ITGB2: variants seen among roughly 807,000 people sequenced by gnomAD.
ITGB2 encodes integrin subunit beta 2, also known as integrin beta-2.
A neutral mutation model predicts 86.8 loss-of-function variants in ITGB2; 56 were observed. The observed-to-expected ratio is 0.65, with a 90% CI of 0.52 to 0.81. The LOEUF is 0.81. Among genes scored for constraint, ITGB2 ranks in the 30% least tolerant of loss-of-function variants. The pLI, the probability that ITGB2 is intolerant of heterozygous loss-of-function variation, is 0.00. For synonymous variants in ITGB2, 457 were observed against 450.4 expected (o/e 1.01, Z -0.19); for missense variants, 948 against 1,061.2 (o/e 0.89, Z 1.48).
chr21:44,893,147 G>C (rs2083815036), intron 10 of ITGB2: 1 of 440,202 alleles, frequency 2.3e-6, no homozygotes, highest in East Asian at 4.6e-5. Context: ...AGCTTCACAA[G>C]GAAAGCGTCT....
chr21:44,896,458 G>C (rs1008952458), intron 8 of ITGB2, among the ~76,000 whole-genome samples: 17 of 152,318 alleles, frequency 1.1e-4, no homozygotes, highest in Admixed American at 9.1e-4. Flanking sequence ...GGAAGATTGC[G>C]GCATCATTTC....
At chr21:44,889,527 G>C (rs928298158) in intron 12 of ITGB2, 32 bp from the exon 13 acceptor site, 1 of 1,538,212 alleles carries the variant, frequency 6.5e-7, no homozygotes, top group African/African-American at 1.4e-5. Context: ...CTAAGCTCCT[G>C]CTTGGCCTGG....
intron 14 of ITGB2, among the ~76,000 whole-genome samples, chr21:44,887,870 T>A (rs1385383676): frequency 6.6e-6 from 1 of 152,196 alleles, no homozygotes; most frequent in Admixed American, 6.5e-5. Context: ...GCCGCCTGCC[T>A]CGGGTCCCTT....
chr21:44,907,853 C>A (rs1057185140), intron 3 of ITGB2: 38 of 566,170 alleles, frequency 6.7e-5, no homozygotes, highest in Non-Finnish European at 2.3e-5. Flanking sequence ...CCCCAGGGTG[C>A]CTCTTTGTAG....
At chr21:44,890,272 C>T (rs374603814) in intron 11 of ITGB2, 50 bp from the exon 12 acceptor site, 1 of 1,609,516 alleles carries the variant, frequency 6.2e-7, no homozygotes, top group Admixed American at 1.7e-5. Context: ...TGATGTGGGA[C>T]AAGGGACAGC....
At chr21:44,893,794 C>A (rs116560675) in intron 9 of ITGB2, 129 of 494,036 alleles carry the variant, frequency 2.6e-4, no homozygotes, top group African/African-American at 2.4e-3. Flanking sequence ...GGGGTGGGAG[C>A]TTCTGCTGCT....
intron 1 of ITGB2, among the ~76,000 whole-genome samples, chr21:44,926,134 T>C (rs1482045256): frequency 6.7e-6 from 1 of 149,678 alleles, no homozygotes; most frequent in Non-Finnish European, 1.5e-5. Context: ...AATAAATAAA[T>C]TAATTAATTA....
At chr21:44,913,819 T>C (rs1384130953) in intron 1 of ITGB2, among the ~76,000 whole-genome samples, 1 of 152,152 alleles carries the variant, frequency 6.6e-6, no homozygotes, top group Non-Finnish European at 1.5e-5. Flanking sequence ...GTTTCCTCCA[T>C]GTGCCTGGAG....
rs1480279592 is a variant in ITGB2 at position 44,901,663 on chromosome 21, T to G, written c.570A>C (p.Pro190=). The G allele has an allele frequency of 6.2e-7, 1 of 1,614,044 alleles. No individual in the cohort carries two copies. Among genetic ancestry groups the G allele is most frequent in the Non-Finnish European group, 8.5e-7 (1 of 1,180,022 alleles). ...VNTHPDKLRN[P]CPNKEKECQP... ...GGCACTCTTTCTCCTTGTTGGGGCATGGGTTTCGCAGCTTATCAGGGTGCG... is the reference window on the plus strand; with the variant it reads ...GGCACTCTTTCTCCTTGTTGGGGCAGGGGTTTCGCAGCTTATCAGGGTGCG... The change falls in exon 6 of 16, where the codon CCA becomes CCC. Residue 190 remains proline (P), a synonymous_variant. Transcript: ENST00000652462.
Position 44,888,753 on chromosome 21 carries a change from A to G in ITGB2, c.2020T>C (p.Tyr674His). 3 of 1,611,864 alleles carry G rather than the reference A, an allele frequency of 1.9e-6. No individual in the cohort carries two copies. Among genetic ancestry groups the G allele is most frequent in the Non-Finnish European group, 2.5e-6 (3 of 1,179,978 alleles). The part of the protein sequence containing the change: ...ERDSEGCWVA[Y>H]TLEQQDGMDR... ...ATCCCGTCCTGCTGCTCCAGCGTGT[A>G]GGCCACCCAGCAGCCCTCTGAGTCC... Residue 674 changes from tyrosine to histidine, a missense_variant, in exon 14 of 16, where the codon TAC becomes CAC. Transcript: ENST00000652462.
At chr21:44,916,287 C>T (rs6650861) in intron 1 of ITGB2, among the ~76,000 whole-genome samples, 2 of 151,842 alleles carry the variant, frequency 1.3e-5, no homozygotes, top group African/African-American at 2.4e-5. Context: ...CCCCACCCCC[C>T]CGACACACAC....
In ITGB2 at chr21:44,886,150, C is replaced by G; in HGVS notation, c.*218G>C. ...TCACCAACCTCAAGCCCTCCCTCCTCAAGTCTCCATGCAAAGACTGTGCCA... is the reference window on the plus strand; with the variant it reads ...TCACCAACCTCAAGCCCTCCCTCCTGAAGTCTCCATGCAAAGACTGTGCCA... On this transcript the variant is annotated 3_prime_UTR_variant, in exon 16 of 16. Transcript: ENST00000652462. 2 of 602,014 alleles carry G rather than the reference C, an allele frequency of 3.3e-6. No homozygotes were observed. Among genetic ancestry groups the G allele is most frequent in the Non-Finnish European group, 6.0e-6 (2 of 334,296 alleles). The allele number at this position is 602,014 out of a possible 1,614,324, so 37.3% of individuals were successfully genotyped here.
chr21:44,906,656 A>T (rs2084046223), intron 4 of ITGB2, among the ~76,000 whole-genome samples: 1 of 152,048 alleles, frequency 6.6e-6, no homozygotes, highest in Non-Finnish European at 1.5e-5. Flanking sequence ...AAAAAGGTGC[A>T]GAACGTCGGG....
chr21:44,926,981 A>G (rs1601349036), intron 1 of ITGB2: 1 of 152,372 alleles, frequency 6.6e-6, no homozygotes, highest in African/African-American at 2.4e-5. Context: ...CAGCGTCCAC[A>G]CGTGGAGGCA....
Position 44,890,068 on chromosome 21 carries a change from C to A in ITGB2, c.1567G>T (p.Asp523Tyr). 1 of 1,613,490 alleles carries A rather than the reference C, an allele frequency of 6.2e-7. No homozygotes were observed. The highest frequency in any genetic ancestry group is 8.5e-7 in the Non-Finnish European group (1 of 1,180,026). ...CCGTATATCAGCTTGCCGGGGACGT[C>A]GCTGGTGTGGCACAGGCACTGCCCG... is the stretch of plus-strand genomic sequence containing the variant. ...VCGQCLCHTS[D>Y]VPGKLIYGQY... is the part of the protein sequence containing the mutation. Residue 523 changes from aspartate (D) to tyrosine (Y), a missense_variant, in exon 12 of 16, where the codon GAC (aspartate) becomes TAC (tyrosine). Asp to Tyr is a radical substitution (Grantham distance 160). Coordinates refer to ENST00000652462, the MANE Select transcript of ITGB2 (RefSeq NM_000211.5).
At chr21:44,917,419 A>AT (rs1197627553) in intron 1 of ITGB2, among the ~76,000 whole-genome samples, 5 of 152,222 alleles carry the variant, frequency 3.3e-5, no homozygotes, top group African/African-American at 1.2e-4. Flanking sequence ...CCTTTTTGTG[A>AT]TAAATGAATA....
rs1283463857 is a variant in ITGB2, at chr21:44,891,843, G to C, written c.1378C>G (p.His460Asp). Reference protein sequence around the residue: ...RDQSRDRSLCHGKGFLECGIC... With the variant: ...RDQSRDRSLCDGKGFLECGIC... ...CCGCACTCCAAGAAGCCCTTGCCAT[G>C]GCAGAGGCTGCGGTCTCTGCTCTGG... Residue 460 changes from histidine (H) to aspartate (D), a missense_variant, in exon 11 of 16, where the codon CAT (histidine) becomes GAT (aspartate). Coordinates refer to ENST00000652462, the MANE Select transcript of ITGB2 (RefSeq NM_000211.5). 5 of 1,610,082 alleles carry C rather than the reference G, an allele frequency of 3.1e-6. No individual in the cohort carries two copies. The East Asian group carries it at 6.7e-5, about 22-fold the overall frequency.
At chr21:44,889,600 C>G in intron 12 of ITGB2, 105 bp from the exon 13 acceptor site, 3 of 1,076,880 alleles carry the variant, frequency 2.8e-6, no homozygotes, top group Non-Finnish European at 4.1e-6. Context: ...CCTCCTCCAG[C>G]CTGGGGGATG....
At chr21:44,888,983 G>C in intron 13 of ITGB2, 88 bp from the exon 14 acceptor site, 1 of 1,230,002 alleles carries the variant, frequency 8.1e-7, no homozygotes, top group Non-Finnish European at 1.2e-6. Context: ...GTCCACCAGG[G>C]GGGGCAGGTG....
Sources: gnomAD v4.1 joint callset for allele counts (sites outside exome capture counted in the v4.1 genomes callset) on GRCh38, gnomAD v4.1.1 for gene constraint, MANE v1.5 for transcripts, NCBI Gene and HGNC (gene_info 2026-07-23, HGNC 2026-07-21) for gene names.